Variants in ADAMTS3 observed in about 807,000 individuals in gnomAD.
ADAMTS3 encodes ADAM metallopeptidase with thrombospondin type 1 motif 3.
ADAMTS3 carries 73 observed loss-of-function variants against 129.0 expected under a neutral mutation model. The observed-to-expected ratio is 0.57, with a 90% CI of 0.47 to 0.69. ADAMTS3 has a LOEUF of 0.69. Among genes scored for constraint, ADAMTS3 ranks in the 30% least tolerant of loss-of-function variants. The pLI is 0.00. For synonymous variants in ADAMTS3, 477 were observed against 510.8 expected (o/e 0.93, Z 0.89); for missense variants, 1,457 against 1,514.5 (o/e 0.96, Z 0.63).
chr4:72,315,719 A>G, intron 11 of ADAMTS3, 139 bp downstream of exon 11: 2 of 569,318 alleles, frequency 3.5e-6, no homozygotes, highest in Non-Finnish European at 6.0e-6. Flanking sequence ...CTATTTTAGT[A>G]CATTACTTTA....
intron 17 of ADAMTS3, among the ~76,000 whole-genome samples, chr4:72,301,979 G>T (rs1047575042): frequency 4.6e-5 from 7 of 152,106 alleles, no homozygotes; most frequent in Admixed American, 4.6e-4. Flanking sequence ...GGGTGGGACA[G>T]TGATACCAGA....
rs189452612 is a variant in ADAMTS3 at position 72,502,873 on chromosome 4, C to T, written c.504+45605G>A. Among the ~76,000 whole-genome samples, 434 of 152,132 alleles carry T rather than the reference C, an allele frequency of 2.9e-3. 4 individuals carry two copies. The highest frequency in any genetic ancestry group is 0.01 in the African/African-American group (418 of 41,522). On this transcript the variant is annotated intron_variant, in intron 3 of 21. Coordinates refer to ENST00000286657, the MANE Select transcript of ADAMTS3 (RefSeq NM_014243.3). ...TCCTAACGTTATCCCTCCCCTAGCCCGCCACCCACTGACAGGCTCTGGTGT... is the reference window on the plus strand; with the variant it reads ...TCCTAACGTTATCCCTCCCCTAGCCTGCCACCCACTGACAGGCTCTGGTGT...
At chr4:72,421,023 G>T (rs571063443) in intron 3 of ADAMTS3, among the ~76,000 whole-genome samples, 2 of 152,180 alleles carry the variant, frequency 1.3e-5, no homozygotes, top group African/African-American at 4.8e-5. Flanking sequence ...AAGAAGAAAA[G>T]TTCATAAAGA....
chr4:72,398,061 A>G (rs1721771432), intron 4 of ADAMTS3, among the ~76,000 whole-genome samples: 1 of 152,174 alleles, frequency 6.6e-6, no homozygotes, highest in South Asian at 2.1e-4. Context: ...TAAAGAAACA[A>G]TCTGCTATGA....
At chr4:72,284,270 C>T (rs529481121) in intron 21 of ADAMTS3, among the ~76,000 whole-genome samples, 4 of 152,006 alleles carry the variant, frequency 2.6e-5, no homozygotes, top group African/African-American at 7.2e-5. Flanking sequence ...AGTGAAAAGC[C>T]GTCTCTACTA....
In ADAMTS3 at chr4:72,283,791, A is replaced by G. The variant is rs1276110185; in HGVS notation, c.3050-87T>C. 2.5e-6 allele frequency: 3 copies of G among 1,208,422 alleles called. No individual in the cohort carries two copies. In the African/African-American group the frequency reaches 4.6e-5, roughly 19 times the overall value. 74.9% of individuals were successfully genotyped at this position (1,208,422 alleles called of 1,614,324 possible). On this transcript the variant is annotated intron_variant, in intron 21 of 21. Coordinates refer to ENST00000286657, the MANE Select transcript of ADAMTS3 (RefSeq NM_014243.3). ...AAAAATTAAAATTTTTAATGAATGTAAAAAGATTTAAGTGCAATCTGACAC... is the reference window on the plus strand; with the variant it reads ...AAAAATTAAAATTTTTAATGAATGTGAAAAGATTTAAGTGCAATCTGACAC...
intron 4 of ADAMTS3, among the ~76,000 whole-genome samples, chr4:72,388,255 T>C (rs746176944): frequency 3.3e-5 from 5 of 152,190 alleles, no homozygotes; most frequent in Non-Finnish European, 7.4e-5. Flanking sequence ...TCTGGCAGCA[T>C]GGGTCTGGGG....
rs1363404631 is a variant in ADAMTS3 at position 72,399,855 on chromosome 4, T to TACGC, written c.661+14959_661+14960insGCGT. Among the ~76,000 whole-genome samples the TACGC allele has an allele frequency of 1.7e-3, 191 of 111,566 alleles. 45 individuals carry two copies. The highest frequency in any genetic ancestry group is 4.0e-3 in the East Asian group (14 of 3,528). The allele number at this position is 111,566 out of a possible 152,430, so 73.2% of individuals were successfully genotyped here. A position where few individuals can be genotyped will look rare whatever the true frequency, so the allele number is the denominator to read the frequency against. ...TGTATATATATACACACACGGTGTG[T>TACGC]ATATACGTGTGTATATATACACACA... On this transcript the variant is annotated intron_variant, in intron 4 of 21. Transcript: ENST00000286657.
chr4:72,353,039 G>A (rs182319168), intron 4 of ADAMTS3, among the ~76,000 whole-genome samples: 122 of 152,006 alleles, frequency 8.0e-4, no homozygotes, highest in African/African-American at 2.8e-3. Flanking sequence ...TCATTCTCAC[G>A]TGTCCTAGTT....
At position 72,298,386 on chromosome 4, in the gene ADAMTS3, A is replaced by G. The variant is rs777596847; in HGVS notation, c.2481T>C (p.His827=). The G allele has an allele frequency of 3.7e-6, 6 of 1,612,804 alleles. No individual in the cohort carries two copies. The Admixed American group carries it at 1.0e-4, about 27-fold the overall frequency. ...RSSLTYKYII[H]EDSVPTINSN... Reference sequence around the variant, plus strand: ...TGTTGATTGTAGGTACAGAGTCTTCATGGATGATGTACTTATATGTCAGGC... The same window carrying G: ...TGTTGATTGTAGGTACAGAGTCTTCGTGGATGATGTACTTATATGTCAGGC... Residue 827 remains histidine, a synonymous_variant, in exon 18 of 22, where the codon CAT becomes CAC. Coordinates refer to ENST00000286657, the MANE Select transcript of ADAMTS3 (RefSeq NM_014243.3).
At chr4:72,561,318 G>T (rs1356441999) in intron 2 of ADAMTS3, among the ~76,000 whole-genome samples, 1 of 151,892 alleles carries the variant, frequency 6.6e-6, no homozygotes, top group Non-Finnish European at 1.5e-5. Flanking sequence ...CTGCACTCCA[G>T]CCTGAGCAAC....
At chr4:72,539,503 A>C (rs1721266961) in intron 3 of ADAMTS3, among the ~76,000 whole-genome samples, 1 of 151,570 alleles carries the variant, frequency 6.6e-6, no homozygotes, top group African/African-American at 2.4e-5. Context: ...AAAAAAAAAA[A>C]AAAAAAAAAA....
At chr4:72,345,415 C>T (rs1389640591) in intron 4 of ADAMTS3, among the ~76,000 whole-genome samples, 1 of 152,108 alleles carries the variant, frequency 6.6e-6, no homozygotes, top group Non-Finnish European at 1.5e-5. Flanking sequence ...TTTTAATTGA[C>T]ATCTTTTTAA....
At chr4:72,292,745 C>A (rs1162477585) in intron 19 of ADAMTS3, among the ~76,000 whole-genome samples, 1 of 152,130 alleles carries the variant, frequency 6.6e-6, no homozygotes, top group Non-Finnish European at 1.5e-5. Flanking sequence ...TTTCCCTCTG[C>A]AATTTATTTT....
At chr4:72,384,830 G>A (rs1365735546) in intron 4 of ADAMTS3, among the ~76,000 whole-genome samples, 1 of 151,924 alleles carries the variant, frequency 6.6e-6, no homozygotes, top group Non-Finnish European at 1.5e-5. Context: ...TATATGGTGG[G>A]ATTTATAACA....
chr4:72,460,566 ATAT>A (rs780745567), intron 3 of ADAMTS3, among the ~76,000 whole-genome samples: 1 of 151,448 alleles, frequency 6.6e-6, no homozygotes, highest in Non-Finnish European at 1.5e-5. Context: ...TTTTAAAAAT[ATAT>A]TAATAAAAGT....
Position 72,282,951 on chromosome 4 carries a change from T to A in ADAMTS3, c.*185A>T. 1 of 510,152 alleles carries A rather than the reference T, an allele frequency of 2.0e-6. No individual in the cohort carries two copies. Among genetic ancestry groups the A allele is most frequent in the Non-Finnish European group, 3.5e-6 (1 of 289,742 alleles). 31.6% of individuals were successfully genotyped at this position (510,152 alleles called of 1,614,324 possible). A position where few individuals can be genotyped will look rare whatever the true frequency, so the allele number is the denominator to read the frequency against. ...CTTCCAATGAATTCTGGTAAATGAG[T>A]CAATGCAGAACAAAAGGAGGATGAA... is the stretch of plus-strand genomic sequence containing the variant. On this transcript the variant is annotated 3_prime_UTR_variant, in exon 22 of 22. Coordinates refer to ENST00000286657, the MANE Select transcript of ADAMTS3 (RefSeq NM_014243.3).
intron 3 of ADAMTS3, among the ~76,000 whole-genome samples, chr4:72,517,117 T>TG (rs1292063731): frequency 2.0e-5 from 3 of 152,170 alleles, no homozygotes; most frequent in African/African-American, 7.2e-5. Context: ...TCTTTGGTTC[T>TG]GTTTATATGG....
intron 2 of ADAMTS3, among the ~76,000 whole-genome samples, chr4:72,550,784 G>A (rs145405376): frequency 5.1e-4 from 78 of 152,272 alleles, no homozygotes; most frequent in African/African-American, 1.7e-3. Flanking sequence ...AGTGTCACGG[G>A]TGCAGAGTGA....
Sources: allele counts gnomAD v4.1 joint callset (sites outside exome capture counted in the v4.1 genomes callset), GRCh38; gene constraint gnomAD v4.1.1; transcripts MANE v1.5; gene names NCBI Gene and HGNC (gene_info 2026-07-23, HGNC 2026-07-21).